Variants in HYDIN observed in about 807,000 individuals in gnomAD.
The protein encoded by HYDIN is axonemal central pair apparatus protein HYDIN.
Under a neutral mutation model 403.9 loss-of-function variants are expected in HYDIN, and 132 were observed. The observed-to-expected ratio is 0.33, with a 90% CI of 0.28 to 0.38. The LOEUF is 0.38. Among genes scored for constraint, HYDIN ranks in the 10% least tolerant of loss-of-function variants. HYDIN has a pLI of 1.00. For synonymous variants in HYDIN, 1,202 were observed against 1,891.7 expected (o/e 0.64, Z 9.46); for missense variants, 2,827 against 5,009.5 (o/e 0.56, Z 13.15).
chr16:71,218,909 T>A (rs1381364410), intron 1 of HYDIN, among the ~76,000 whole-genome samples: 1 of 152,180 alleles, frequency 6.6e-6, no homozygotes, highest in Non-Finnish European at 1.5e-5. Context: ...CCAGGCATAT[T>A]CCAAAGCATT....
intron 60 of HYDIN, among the ~76,000 whole-genome samples, chr16:70,881,098 T>A (rs1314450634): frequency 7.1e-6 from 1 of 140,138 alleles, no homozygotes; most frequent in Non-Finnish European, 1.5e-5. Context: ...TGGTGGTGCG[T>A]GCCTGTAGTC....
intron 8 of HYDIN, among the ~76,000 whole-genome samples, chr16:71,136,766 C>CAA (rs72061209): frequency 4.9e-5 from 5 of 101,372 alleles, no homozygotes; most frequent in Non-Finnish European, 8.5e-5. Flanking sequence ...GACTCCATCT[C>CAA]AAAAAAAAAA....
chr16:70,855,283 G>A lies in HYDIN; in HGVS notation c.12296-8C>T, dbSNP rs2038946300. 1.9e-6 allele frequency: 3 copies of A among 1,551,226 alleles called. 1 individual carries two copies. Among genetic ancestry groups the A allele is most frequent in the Middle Eastern group, 3.7e-4 (2 of 5,396 alleles). Reference sequence around the variant, plus strand: ...TCTCCCTGGCTTCTCTGCCTGAGGAGGAAACACCAGCCCTTAGTGGGGGCC... The same window carrying A: ...TCTCCCTGGCTTCTCTGCCTGAGGAAGAAACACCAGCCCTTAGTGGGGGCC... On this transcript the variant is annotated splice_polypyrimidine_tract_variant and splice_region_variant and intron_variant, in intron 72 of 85. Transcript: ENST00000393567.
intron 38 of HYDIN, among the ~76,000 whole-genome samples, chr16:70,961,134 A>C (rs1429764515): frequency 6.6e-6 from 1 of 151,892 alleles, no homozygotes; most frequent in Non-Finnish European, 1.5e-5. Flanking sequence ...TCTACGTGGG[A>C]TGTCCAGGGT....
chr16:70,920,393 T>G (rs1208902636), intron 46 of HYDIN, among the ~76,000 whole-genome samples, 198 bp downstream of exon 46: 2 of 150,164 alleles, frequency 1.3e-5, no homozygotes, highest in Non-Finnish European at 3.0e-5. Flanking sequence ...AATCTAGATG[T>G]GTGACATTTC....
chr16:71,086,011 T>C (rs2082920750), intron 12 of HYDIN, among the ~76,000 whole-genome samples: 1 of 152,208 alleles, frequency 6.6e-6, no homozygotes. Flanking sequence ...TTTAATGTAA[T>C]TGTTGATAGG....
intron 69 of HYDIN, 138 bp from the exon 70 acceptor site, chr16:70,861,039 A>T (rs2039379791): frequency 4.8e-6 from 3 of 620,404 alleles, no homozygotes; most frequent in Non-Finnish European, 8.6e-6. Context: ...GGTCAATAGC[A>T]TCACTCAGTG....
intron 43 of HYDIN, among the ~76,000 whole-genome samples, chr16:70,939,963 TG>T (rs1195162143): frequency 6.6e-6 from 1 of 151,816 alleles, no homozygotes; most frequent in African/African-American, 2.4e-5. Flanking sequence ...ACCTTGATCT[TG>T]GACTTGCCAG....
At chr16:71,117,748 G>A (rs188358100) in intron 9 of HYDIN, among the ~76,000 whole-genome samples, 6 of 152,196 alleles carry the variant, frequency 3.9e-5, no homozygotes, top group Admixed American at 3.3e-4. Flanking sequence ...CATACTTCTG[G>A]AATAAAGAAT....
At position 70,807,724 on chromosome 16, in the gene HYDIN, G is replaced by T. The variant is rs2035179067; in HGVS notation, c.15222C>A (p.Ile5074=). ...CTTCAAAGGAGACTGTGATGTTGTT[G>T]ATCTTCTTGGGCCGCACAGACTCTC... ...RAGESVRPKK[I]NNITVSFEGN... Residue 5074 remains isoleucine, a synonymous_variant, in exon 86 of 86, where the codon ATC becomes ATA. Transcript: ENST00000393567. 6.2e-7 allele frequency: 1 copy of T among 1,614,048 alleles called. No individual in the cohort carries two copies. Among genetic ancestry groups the T allele is most frequent in the African/African-American group, 1.3e-5 (1 of 74,906 alleles).
intron 3 of HYDIN, among the ~76,000 whole-genome samples, chr16:71,183,648 C>T (rs1016705057): frequency 6.6e-6 from 1 of 152,004 alleles, no homozygotes; most frequent in African/African-American, 2.4e-5. Context: ...CCAAGAATTT[C>T]ATAAGTAACA....
intron 49 of HYDIN, 94 bp downstream of exon 49, chr16:70,908,158 C>G (rs1159937695): frequency 5.0e-5 from 54 of 1,079,892 alleles, no homozygotes; most frequent in Non-Finnish European, 6.7e-5. Flanking sequence ...TGCCCCAGCT[C>G]CACGTTATGG....
intron 1 of HYDIN, among the ~76,000 whole-genome samples, chr16:71,199,790 T>A (rs567622700): frequency 2.9e-4 from 44 of 152,330 alleles, no homozygotes; most frequent in East Asian, 5.8e-4. Flanking sequence ...GGAATTTTTT[T>A]AAAAAAATTT....
intron 66 of HYDIN, 131 bp downstream of exon 66, chr16:70,868,439 T>C (rs2039895935): frequency 7.1e-7 from 1 of 1,400,400 alleles, no homozygotes; most frequent in African/African-American, 1.9e-5. Context: ...TTGTCACTTT[T>C]GGAGTCAAGG....
At chr16:70,942,870 G>A (rs2077725516) in intron 42 of HYDIN, among the ~76,000 whole-genome samples, 1 of 152,192 alleles carries the variant, frequency 6.6e-6, no homozygotes, top group Admixed American at 6.5e-5. Flanking sequence ...CCTTACCAGT[G>A]TTTCTCAGCC....
chr16:71,141,143 G>A (rs1264002222), intron 7 of HYDIN, among the ~76,000 whole-genome samples: 1 of 149,196 alleles, frequency 6.7e-6, no homozygotes, highest in Non-Finnish European at 1.5e-5. Context: ...TGAAGAGACA[G>A]ATCAGTGGAA....
chr16:70,981,667 A>G (rs2079049858), intron 28 of HYDIN, 99 bp from the exon 29 acceptor site: 1 of 1,434,726 alleles, frequency 7.0e-7, no homozygotes, highest in Non-Finnish European at 9.2e-7. Flanking sequence ...GACAAAGTAA[A>G]CCTAAAAAAA....
At chr16:70,928,268 G>C (rs919930668) in intron 45 of HYDIN, among the ~76,000 whole-genome samples, 5 of 152,254 alleles carry the variant, frequency 3.3e-5, no homozygotes, top group Non-Finnish European at 7.3e-5. Context: ...TTTGAGAACA[G>C]CTTGGGCAAC....
Position 70,993,760 on chromosome 16 carries a change from CAAA to C in HYDIN, c.3645-1553_3645-1551del, listed in dbSNP as rs1164630300. ...TACAAGAAACTGCCAACCAGTTTTC[CAAA>C]ATTGTTGTACCACTTTACACTACCA... On this transcript the variant is annotated intron_variant, in intron 23 of 85. Coordinates refer to ENST00000393567, the MANE Select transcript of HYDIN (RefSeq NM_001270974.2). 2.7e-5 allele frequency among the ~76,000 whole-genome samples: 4 copies of C among 148,806 alleles called. No homozygotes were observed. In the East Asian group the frequency reaches 7.9e-4, roughly 29 times the overall value.
Sources: allele counts gnomAD v4.1 joint callset (sites outside exome capture counted in the v4.1 genomes callset), GRCh38; gene constraint gnomAD v4.1.1; transcripts MANE v1.5; gene names NCBI Gene and HGNC (gene_info 2026-07-23, HGNC 2026-07-21).